CDH18: variants seen among roughly 807,000 people sequenced by gnomAD.
The protein encoded by CDH18 is cadherin-18.
A neutral mutation model predicts 67.9 loss-of-function variants in CDH18; 31 were observed. The observed-to-expected ratio is 0.46, with a 90% CI of 0.34 to 0.62. The LOEUF is 0.62. CDH18 is among the 20% of genes least tolerant of loss of function. The pLI, the probability that CDH18 is intolerant of heterozygous loss-of-function variation, is 0.01. For missense variants in CDH18, 890 were observed against 975.5 expected (o/e 0.91, Z 1.17); for synonymous variants, 362 against 347.2 (o/e 1.04, Z -0.48).
At chr5:19,796,542 T>C (rs954943349) in intron 3 of CDH18, among the ~76,000 whole-genome samples, 1 of 152,134 alleles carries the variant, frequency 6.6e-6, no homozygotes, top group African/African-American at 2.4e-5. Flanking sequence ...TAAAAGGATC[T>C]GTTGATATCA....
At chr5:19,919,248 T>C (rs539849338) in intron 2 of CDH18, among the ~76,000 whole-genome samples, 5 of 152,168 alleles carry the variant, frequency 3.3e-5, no homozygotes, top group Non-Finnish European at 5.9e-5. Flanking sequence ...TGGCTGTTCA[T>C]TTGTATCATC....
chr5:20,344,387 A>T lies in CDH18; in HGVS notation c.-579-88882T>A, dbSNP rs767493270. 1.4e-4 allele frequency among the ~76,000 whole-genome samples: 21 copies of T among 152,114 alleles called. 1 individual carries two copies. The highest frequency in any genetic ancestry group is 7.9e-4 in the Admixed American group (12 of 15,268). ...CAGATTTCACCCCTATGCCAAAGAT[A>T]AGGGGCATCCAGTATGTCTTGGTAT... On this transcript the variant is annotated intron_variant, in intron 1 of 14. Coordinates refer to the CDH18 transcript ENST00000507958.
At chr5:20,036,853 T>TCATTACA (rs1739908575) in intron 2 of CDH18, among the ~76,000 whole-genome samples, 1 of 152,122 alleles carries the variant, frequency 6.6e-6, no homozygotes, top group African/African-American at 2.4e-5. Context: ...CATTGATCCC[T>TCATTACA]TTACCATTAT....
chr5:19,813,582 G>A (rs531089261), intron 3 of CDH18, among the ~76,000 whole-genome samples: 1 of 152,080 alleles, frequency 6.6e-6, no homozygotes, highest in East Asian at 1.9e-4. Context: ...TCTGCAACCT[G>A]TAATTCTGAA....
chr5:20,473,510 T>A (rs1581066993), intron 1 of CDH18, among the ~76,000 whole-genome samples: 1 of 152,148 alleles, frequency 6.6e-6, no homozygotes, highest in East Asian at 1.9e-4. Flanking sequence ...GGATTTTCTT[T>A]TTGCTATTTT....
At chr5:19,755,500 T>C (rs868523189) in intron 3 of CDH18, among the ~76,000 whole-genome samples, 6 of 107,262 alleles carry the variant, frequency 5.6e-5, no homozygotes, top group Non-Finnish European at 1.0e-4. Flanking sequence ...CACATATATA[T>C]ACACACACAC....
intron 1 of CDH18, among the ~76,000 whole-genome samples, chr5:20,378,158 A>G (rs1013898865): frequency 2.2e-4 from 34 of 152,110 alleles, no homozygotes; most frequent in African/African-American, 8.2e-4. Flanking sequence ...TCATTAACAG[A>G]TGACCCTCGT....
chr5:20,171,962 CTA>C (rs1263928854), intron 2 of CDH18, among the ~76,000 whole-genome samples: 1 of 150,800 alleles, frequency 6.6e-6, no homozygotes, highest in Non-Finnish European at 1.5e-5. Context: ...TATCTCATCA[CTA>C]TTTATTCAGT....
chr5:19,557,858 C>T (rs972202782), intron 8 of CDH18, among the ~76,000 whole-genome samples: 1 of 152,070 alleles, frequency 6.6e-6, no homozygotes, highest in Non-Finnish European at 1.5e-5. Flanking sequence ...TTCATCAGCA[C>T]ATGGAACATT....
chr5:20,241,115 G>C (rs568389001), intron 2 of CDH18, among the ~76,000 whole-genome samples: 2 of 152,180 alleles, frequency 1.3e-5, no homozygotes, highest in East Asian at 3.9e-4. Context: ...TCTGTGTAAT[G>C]GATATGAACA....
At chr5:19,884,654 AT>A (rs1788010714) in intron 2 of CDH18, among the ~76,000 whole-genome samples, 2 of 152,030 alleles carry the variant, frequency 1.3e-5, no homozygotes, top group South Asian at 4.1e-4. Flanking sequence ...GTGTTTTAAA[AT>A]AATATAAACG....
At chr5:19,828,685 C>T (rs576988116) in intron 3 of CDH18, among the ~76,000 whole-genome samples, 2 of 152,258 alleles carry the variant, frequency 1.3e-5, no homozygotes, top group African/African-American at 4.8e-5. Flanking sequence ...TAAAATACAA[C>T]ATCGCTTCAT....
chr5:20,264,193 TA>T (rs1342707456), intron 1 of CDH18, among the ~76,000 whole-genome samples: 1 of 152,064 alleles, frequency 6.6e-6, no homozygotes, highest in Non-Finnish European at 1.5e-5. Flanking sequence ...TGCTTCAGTT[TA>T]AATGCTACAA....
At chr5:19,681,313 A>C (rs929172457) in intron 5 of CDH18, among the ~76,000 whole-genome samples, 1 of 151,990 alleles carries the variant, frequency 6.6e-6, no homozygotes, top group Non-Finnish European at 1.5e-5. Flanking sequence ...TGACGAAATA[A>C]TCTGTACACC....
intron 7 of CDH18, among the ~76,000 whole-genome samples, chr5:19,587,861 CTAT>C (rs1376223592): frequency 6.6e-6 from 1 of 151,978 alleles, no homozygotes; most frequent in Admixed American, 6.6e-5. Flanking sequence ...AGCACTGAAT[CTAT>C]TGATTGCTTT....
At chr5:20,368,028 G>A in intron 1 of CDH18, among the ~76,000 whole-genome samples, 1 of 152,220 alleles carries the variant, frequency 6.6e-6, no homozygotes, top group South Asian at 2.1e-4. Context: ...GTCCTTATGT[G>A]GTTCCACTGT....
chr5:19,745,887 T>C (rs1769930766), intron 4 of CDH18, among the ~76,000 whole-genome samples: 1 of 152,024 alleles, frequency 6.6e-6, no homozygotes, highest in African/African-American at 2.4e-5. Flanking sequence ...GAAAAGATGC[T>C]ACCATCTTCC....
rs540694641 is a variant in CDH18 at position 19,819,009 on chromosome 5, T to C, written c.228+19750A>G. Among the ~76,000 whole-genome samples the C allele has an allele frequency of 7.2e-5, 11 of 152,142 alleles. No homozygotes were observed. In the East Asian group the frequency reaches 1.5e-3, roughly 21 times the overall value. ...TACTTGAACTCTAATGGCAATTACA[T>C]GTTGGAAAAAAATGTGACTTATGGA... On this transcript the variant is annotated intron_variant, in intron 3 of 12. Transcript: ENST00000382275.
At position 20,529,369 on chromosome 5, in the gene CDH18, G is replaced by A. The variant is rs1011127520; in HGVS notation, c.-580+46093C>T. 3.3e-5 allele frequency among the ~76,000 whole-genome samples: 5 copies of A among 151,568 alleles called. No homozygotes were observed. The East Asian group carries it at 5.8e-4, about 18-fold the overall frequency. On this transcript the variant is annotated intron_variant, in intron 1 of 14. Coordinates refer to the CDH18 transcript ENST00000507958. Reference sequence around the variant, plus strand: ...TCTTCTGAAACTATTCCAAAGAATCGAAAAGGGGAACTCCTTTAAAGAGGT... The same window carrying A: ...TCTTCTGAAACTATTCCAAAGAATCAAAAAGGGGAACTCCTTTAAAGAGGT...
Sources: gnomAD v4.1 joint callset for allele counts (sites outside exome capture counted in the v4.1 genomes callset) on GRCh38, gnomAD v4.1.1 for gene constraint, MANE v1.5 for transcripts, NCBI Gene and HGNC (gene_info 2026-07-23, HGNC 2026-07-21) for gene names.